The following CCDC91 variants were observed in gnomAD, a reference collection of about 807,000 sequenced individuals.
The protein encoded by CCDC91 is coiled-coil domain-containing protein 91.
Under a neutral mutation model 63.2 loss-of-function variants are expected in CCDC91, and 48 were observed. The ratio of observed to expected loss-of-function variants is 0.76; its 90% CI spans 0.60 to 0.97. The LOEUF (loss-of-function observed/expected upper bound fraction) is 0.97, where lower values mean the gene tolerates loss of function less well. Among genes scored for constraint, CCDC91 ranks in the 50% least tolerant of loss-of-function variants. The pLI is 0.00. For missense variants in CCDC91, 500 were observed against 494.6 expected (o/e 1.01, Z -0.10); for synonymous variants, 167 against 165.8 (o/e 1.01, Z -0.06).
In CCDC91 at chr12:28,338,925, C is replaced by T. The variant is rs1386229405; in HGVS notation, c.577-23513C>T. 3.3e-5 allele frequency among the ~76,000 whole-genome samples: 5 copies of T among 152,130 alleles called. No homozygotes were observed. The East Asian group carries it at 5.8e-4, about 18-fold the overall frequency. On this transcript the variant is annotated intron_variant, in intron 6 of 12. Coordinates refer to ENST00000536442, the MANE Select transcript of CCDC91 (RefSeq NM_018318.5). ...GCGCAATCTTGGCTCACTGCAACCT[C>T]CGCCTCTTAGGTTCAAGCAATTCTC...
intron 3 of CCDC91, among the ~76,000 whole-genome samples, chr12:28,282,182 C>T (rs1275667582): frequency 6.6e-6 from 1 of 152,040 alleles, no homozygotes; most frequent in South Asian, 2.1e-4. Context: ...TTTTTCTTAC[C>T]TTCGATAATT....
chr12:28,395,522 C>T (rs1455502650), intron 8 of CCDC91, among the ~76,000 whole-genome samples: 2 of 152,080 alleles, frequency 1.3e-5, no homozygotes, highest in Non-Finnish European at 1.5e-5. Flanking sequence ...TCACAGAACT[C>T]GGGGAAACAT....
At chr12:28,370,856 A>G (rs1051024867) in intron 7 of CCDC91, among the ~76,000 whole-genome samples, 3 of 152,108 alleles carry the variant, frequency 2.0e-5, no homozygotes, top group African/African-American at 7.2e-5. Context: ...GAAGAGCCAC[A>G]CTTTTAAGCT....
At chr12:28,260,315 TC>T (rs1305227640) in intron 3 of CCDC91, among the ~76,000 whole-genome samples, 1 of 151,990 alleles carries the variant, frequency 6.6e-6, no homozygotes, top group Non-Finnish European at 1.5e-5. Context: ...ATACAGTTGA[TC>T]TGTTCTCTGA....
intron 12 of CCDC91, among the ~76,000 whole-genome samples, chr12:28,504,978 T>C (rs1938520356): frequency 6.6e-6 from 1 of 151,952 alleles, no homozygotes; most frequent in South Asian, 2.1e-4. Flanking sequence ...CACTTCAAAC[T>C]CTAAAAGCTA....
chr12:28,331,672 A>G, intron 6 of CCDC91, among the ~76,000 whole-genome samples: 1 of 152,182 alleles, frequency 6.6e-6, no homozygotes, highest in South Asian at 2.1e-4. Flanking sequence ...TAGCCCTGAT[A>G]TGCCTATTTA....
intron 12 of CCDC91, among the ~76,000 whole-genome samples, chr12:28,534,533 A>G (rs1296464734): frequency 6.6e-6 from 1 of 152,078 alleles, no homozygotes; most frequent in Non-Finnish European, 1.5e-5. Flanking sequence ...CAGTTTCTCA[A>G]CCAAATCCAG....
intron 12 of CCDC91, among the ~76,000 whole-genome samples, chr12:28,486,103 C>G (rs1207708601): frequency 6.6e-6 from 1 of 152,144 alleles, no homozygotes; most frequent in Non-Finnish European, 1.5e-5. Flanking sequence ...TCTTGCTTGA[C>G]CGAAACTTTA....
chr12:28,529,722 A>C (rs1333459366), intron 12 of CCDC91, among the ~76,000 whole-genome samples: 2 of 152,220 alleles, frequency 1.3e-5, no homozygotes, highest in Non-Finnish European at 2.9e-5. Context: ...TAAGAAGGCG[A>C]ATCTAGTTAT....
chr12:28,504,269 G>T (rs1565489138), intron 12 of CCDC91, among the ~76,000 whole-genome samples: 1 of 151,662 alleles, frequency 6.6e-6, no homozygotes. Flanking sequence ...GAAAGTTTTT[G>T]TACAATCCTA....
At chr12:28,247,219 G>A (rs1486605943) in intron 1 of CCDC91, among the ~76,000 whole-genome samples, 5 of 152,152 alleles carry the variant, frequency 3.3e-5, no homozygotes, top group Non-Finnish European at 5.9e-5. Flanking sequence ...GGTGGCTCAC[G>A]CCTGTAATCC....
chr12:28,265,199 T>C (rs755308860), intron 3 of CCDC91, among the ~76,000 whole-genome samples: 1 of 152,070 alleles, frequency 6.6e-6, no homozygotes, highest in African/African-American at 2.4e-5. Context: ...CCTTGAATAG[T>C]GTCCTTTCTA....
chr12:28,528,354 T>A (rs148850491), intron 12 of CCDC91, among the ~76,000 whole-genome samples: 1 of 152,300 alleles, frequency 6.6e-6, no homozygotes, highest in East Asian at 1.9e-4. Flanking sequence ...ATTGACTCAG[T>A]TCCAGTTAAG....
chr12:28,215,097 A>G (rs1339425089), intron 1 of CCDC91, among the ~76,000 whole-genome samples: 1 of 152,204 alleles, frequency 6.6e-6, no homozygotes, highest in Non-Finnish European at 1.5e-5. Context: ...GTTGTATAAT[A>G]AGAAACTGCT....
At position 28,538,102 on chromosome 12, in the gene CCDC91, GT is replaced by G. The variant is rs199746499; in HGVS notation, c.1216-10954del. On this transcript the variant is annotated intron_variant, in intron 12 of 12. Coordinates refer to ENST00000536442, the MANE Select transcript of CCDC91 (RefSeq NM_018318.5). Reference sequence around the variant, plus strand: ...TTTAGGGGTTTTTTTTAATTTTAGGGTTTTTTTATTTTTAGGGTTTTTTTTT... The same window carrying G: ...TTTAGGGGTTTTTTTTAATTTTAGGGTTTTTTATTTTTAGGGTTTTTTTTT... 6.3e-3 allele frequency among the ~76,000 whole-genome samples: 893 copies of G among 141,886 alleles called. 11 individuals are homozygous for G. Among genetic ancestry groups the G allele is most frequent in the African/African-American group, 0.02 (767 of 39,242 alleles). The allele number at this position is 141,886 out of a possible 152,430, so 93.1% of individuals were successfully genotyped here.
intron 3 of CCDC91, among the ~76,000 whole-genome samples, chr12:28,286,297 G>C (rs906530267): frequency 1.3e-5 from 2 of 151,986 alleles, no homozygotes; most frequent in African/African-American, 4.8e-5. Context: ...TTGTTGTACA[G>C]ATTATTTCAT....
intron 12 of CCDC91, among the ~76,000 whole-genome samples, chr12:28,502,582 C>T (rs2141152123): frequency 6.7e-6 from 1 of 150,212 alleles, no homozygotes; most frequent in Non-Finnish European, 1.5e-5. Context: ...GAAAAAACTA[C>T]TTTAAAGTTC....
intron 6 of CCDC91, among the ~76,000 whole-genome samples, chr12:28,327,157 TAGAG>T (rs1286209874): frequency 1.1e-4 from 16 of 151,966 alleles, no homozygotes; most frequent in African/African-American, 2.7e-4. Context: ...TTTAGGCAGA[TAGAG>T]GGAGGGTAGG....
chr12:28,243,578 A>C (rs1945495963), intron 1 of CCDC91, among the ~76,000 whole-genome samples: 1 of 152,142 alleles, frequency 6.6e-6, no homozygotes, highest in Non-Finnish European at 1.5e-5. Flanking sequence ...AAAGTCAGCA[A>C]AGGGTATACA....
Sources: allele counts gnomAD v4.1 joint callset (sites outside exome capture counted in the v4.1 genomes callset), GRCh38; gene constraint gnomAD v4.1.1; transcripts MANE v1.5; gene names NCBI Gene and HGNC (gene_info 2026-07-23, HGNC 2026-07-21).